NEXN: variants seen among roughly 807,000 people sequenced by gnomAD.
NEXN encodes the protein nexilin.
NEXN carries 65 observed loss-of-function variants against 92.6 expected under a neutral mutation model. The observed-to-expected ratio is 0.70, with a 90% CI of 0.57 to 0.86. NEXN has a LOEUF of 0.86. Among genes scored for constraint, NEXN ranks in the 40% least tolerant of loss-of-function variants. NEXN has a pLI of 0.00. For missense variants in NEXN, 778 were observed against 771.1 expected, an observed-to-expected ratio of 1.01 and a Z score of -0.11; for synonymous variants, 254 against 242.5, an observed-to-expected ratio of 1.05 and a Z score of -0.44.
intron 1 of NEXN, among the ~76,000 whole-genome samples, chr1:77,894,555 C>T (rs1647182112): frequency 6.6e-6 from 1 of 152,024 alleles, no homozygotes; most frequent in South Asian, 2.1e-4. Flanking sequence ...GTCCTCCCGC[C>T]TCAGCCTTCC....
intron 1 of NEXN, among the ~76,000 whole-genome samples, chr1:77,909,440 A>AAATT (rs1263957307): frequency 2.6e-5 from 4 of 152,210 alleles, no homozygotes; most frequent in African/African-American, 9.6e-5. Flanking sequence ...ATAAATAAAT[A>AAATT]AATTAATAAA....
At chr1:77,911,760 T>C (rs1049465709) in intron 1 of NEXN, among the ~76,000 whole-genome samples, 51 of 127,264 alleles carry the variant, frequency 4.0e-4, no homozygotes, top group African/African-American at 7.9e-4. Flanking sequence ...TATATATATA[T>C]ACACATATAT....
intron 11 of NEXN, chr1:77,941,622 T>C: frequency 4.9e-6 from 1 of 205,464 alleles, no homozygotes; most frequent in East Asian, 1.3e-4. Context: ...GGAAAATCAT[T>C]AAGTGAGAAA....
In NEXN at chr1:77,918,160, CA is replaced by C. The variant is rs1649128758; in HGVS notation, c.337del (p.Arg113AspfsTer22). 1 of 1,613,394 alleles carries C rather than the reference CA, an allele frequency of 6.2e-7. No homozygotes were observed. The highest frequency in any genetic ancestry group is 8.5e-7 in the Non-Finnish European group (1 of 1,179,832). ...GGGTAGATTTGCTGAAATGGAGAAA[CA>C]AAGACAAGAGGAACAAAGGAAGAGA... ...VKGRFAEMEKQRQEEQRKRTE... is the reference protein window; with the variant it reads ...VKGRFAEMEKXRQEEQRKRTE... On this transcript the variant is annotated frameshift_variant, in exon 5 of 13. Transcript: ENST00000334785. LOFTEE classifies it high-confidence loss of function.
intron 1 of NEXN, among the ~76,000 whole-genome samples, chr1:77,899,009 C>G (rs1328439876): frequency 1.3e-5 from 2 of 152,202 alleles, no homozygotes; most frequent in Non-Finnish European, 2.9e-5. Context: ...CAGGAAATAA[C>G]AGGTGCTGGA....
chr1:77,921,707 C>G (rs1649432692), intron 5 of NEXN, among the ~76,000 whole-genome samples: 1 of 152,106 alleles, frequency 6.6e-6, no homozygotes, highest in African/African-American at 2.4e-5. Flanking sequence ...CTCAGGAGCT[C>G]AAGGCCAGCC....
At chr1:77,938,190 T>C (rs1417544250) in intron 11 of NEXN, among the ~76,000 whole-genome samples, 2 of 152,188 alleles carry the variant, frequency 1.3e-5, no homozygotes, top group African/African-American at 4.8e-5. Context: ...TCTAAGCTTG[T>C]GTGACATACA....
At chr1:77,900,575 A>C (rs1472563754) in intron 1 of NEXN, among the ~76,000 whole-genome samples, 1 of 152,222 alleles carries the variant, frequency 6.6e-6, no homozygotes, top group Non-Finnish European at 1.5e-5. Flanking sequence ...AATTTGAAAA[A>C]ATGCAGCTTT....
In NEXN at chr1:77,934,011, A is replaced by ATTTTTTTTTT. The variant is rs71075780; in HGVS notation, c.1251+539_1251+548dup. On this transcript the variant is annotated intron_variant, in intron 10 of 12. Coordinates refer to ENST00000334785, the MANE Select transcript of NEXN (RefSeq NM_144573.4). The stretch of plus-strand genomic sequence containing the variant: ...CAGCACCATGTCTGGCTAATTTTTA[A>ATTTTTTTTTT]TTTTTTTTTTTTTTTTGAGATGGAG... 2.6e-3 allele frequency among the ~76,000 whole-genome samples: 301 copies of ATTTTTTTTTT among 114,292 alleles called. 9 individuals carry two copies. The highest frequency in any genetic ancestry group is 6.7e-3 in the African/African-American group (184 of 27,646). 75.0% of individuals were successfully genotyped at this position (114,292 alleles called of 152,430 possible).
At chr1:77,919,578 AG>A (rs1649253391) in intron 5 of NEXN, among the ~76,000 whole-genome samples, 1 of 145,650 alleles carries the variant, frequency 6.9e-6, no homozygotes, top group South Asian at 2.2e-4. Flanking sequence ...CCAGCAGGTC[AG>A]TCATTTTTTT....
At chr1:77,897,418 A>T (rs1278812059) in intron 1 of NEXN, among the ~76,000 whole-genome samples, 1 of 152,250 alleles carries the variant, frequency 6.6e-6, no homozygotes, top group Non-Finnish European at 1.5e-5. Flanking sequence ...CCACATGATT[A>T]TTTCAATAGA....
At chr1:77,891,317 T>G (rs1304587160) in intron 1 of NEXN, among the ~76,000 whole-genome samples, 1 of 152,198 alleles carries the variant, frequency 6.6e-6, no homozygotes, top group Non-Finnish European at 1.5e-5. Context: ...TTTTGATGTA[T>G]TTCCTTTAAG....
chr1:77,921,165 G>A (rs1196382272), intron 5 of NEXN, among the ~76,000 whole-genome samples: 1 of 152,124 alleles, frequency 6.6e-6, no homozygotes, highest in Non-Finnish European at 1.5e-5. Context: ...ACAACATAGT[G>A]AGACCTCAGC....
intron 1 of NEXN, among the ~76,000 whole-genome samples, chr1:77,899,771 A>G (rs1056101604): frequency 6.6e-6 from 1 of 152,182 alleles, no homozygotes; most frequent in African/African-American, 2.4e-5. Flanking sequence ...ATAGCGCCTG[A>G]CACAAAGTAG....
At position 77,928,499 on chromosome 1, in the gene NEXN, G is replaced by A. The variant is rs186723979; in HGVS notation, c.865-817G>A. Among the ~76,000 whole-genome samples the A allele has an allele frequency of 2.6e-3, 399 of 151,728 alleles. 2 individuals are homozygous for A. The highest frequency in any genetic ancestry group is 9.3e-3 in the African/African-American group (387 of 41,412). ...TATCTGCACATTTTAGATATTTCTGGTGGTCAACTTAATAAAGAAATAGTA... is the reference window on the plus strand; with the variant it reads ...TATCTGCACATTTTAGATATTTCTGATGGTCAACTTAATAAAGAAATAGTA... On this transcript the variant is annotated intron_variant, in intron 8 of 12. Transcript: ENST00000334785.
At position 77,917,972 on chromosome 1, in the gene NEXN, C is replaced by T. The variant is rs1176906985; in HGVS notation, c.232C>T (p.Leu78Phe). The T allele has an allele frequency of 6.2e-7, 1 of 1,612,406 alleles. No homozygotes were observed. The highest frequency in any genetic ancestry group is 8.5e-7 in the Non-Finnish European group (1 of 1,178,908). Residue 78 changes from leucine to phenylalanine, a missense_variant, in exon 4 of 13, where the codon CTT becomes TTT. Physicochemically the swap from Leu to Phe is conservative, Grantham distance 22. Coordinates refer to ENST00000334785, the MANE Select transcript of NEXN (RefSeq NM_144573.4). ...TTTAACCATCTAGATTAAAGAAATGCTTGCTTCTGATGATGAGGAAGATGT... is the reference window on the plus strand; with the variant it reads ...TTTAACCATCTAGATTAAAGAAATGTTTGCTTCTGATGATGAGGAAGATGT... ...NRRKQEIKEM[L>F]ASDDEEDVSS... is the part of the protein sequence containing the mutation.
chr1:77,901,448 T>G (rs1647702671), intron 1 of NEXN, among the ~76,000 whole-genome samples: 1 of 152,212 alleles, frequency 6.6e-6, no homozygotes. Context: ...ATTAAAGACC[T>G]ATTGTTATTA....
chr1:77,923,677 CTCTTT>C (rs1328691040), intron 5 of NEXN, among the ~76,000 whole-genome samples: 2 of 120,964 alleles, frequency 1.7e-5, no homozygotes, highest in Admixed American at 2.0e-4. Flanking sequence ...AAATTGAGCT[CTCTTT>C]TTTTTTTTTT....
At chr1:77,896,182 A>AAATAAATAAATAAATC (rs1346316934) in intron 1 of NEXN, among the ~76,000 whole-genome samples, 1 of 151,598 alleles carries the variant, frequency 6.6e-6, no homozygotes, top group Non-Finnish European at 1.5e-5. Flanking sequence ...ATAAATAAAT[A>AAATAAATAAATAAATC]AATAAATAAA....
Sources: gnomAD v4.1 joint callset for allele counts (sites outside exome capture counted in the v4.1 genomes callset) on GRCh38, gnomAD v4.1.1 for gene constraint, MANE v1.5 for transcripts, NCBI Gene and HGNC (gene_info 2026-07-23, HGNC 2026-07-21) for gene names.